Variants in GABBR2 observed in about 807,000 individuals in gnomAD.
GABBR2 encodes gamma-aminobutyric acid type B receptor subunit 2.
In GABBR2, 23 loss-of-function variants were observed where a neutral mutation model predicts 105.6. The observed-to-expected ratio is 0.22, with a 90% CI of 0.16 to 0.31. The LOEUF (loss-of-function observed/expected upper bound fraction) is 0.31, where lower values mean the gene tolerates loss of function less well. GABBR2 is among the 10% of genes least tolerant of loss of function. The pLI is 1.00. For synonymous variants in GABBR2, 478 were observed against 499.7 expected (o/e 0.96, Z 0.58); for missense variants, 734 against 1,245.5 (o/e 0.59, Z 6.18).
At chr9:98,362,337 A>G (rs761351310) in intron 13 of GABBR2, among the ~76,000 whole-genome samples, 1 of 152,260 alleles carries the variant, frequency 6.6e-6, no homozygotes, top group African/African-American at 2.4e-5. Context: ...ACAATATAGT[A>G]TCTAGAAGGA....
chr9:98,542,933 C>T (rs1421752749), intron 2 of GABBR2, among the ~76,000 whole-genome samples: 1 of 151,522 alleles, frequency 6.6e-6, no homozygotes, highest in African/African-American at 2.4e-5. Flanking sequence ...TATTCTAATG[C>T]TTTTCAGATT....
chr9:98,382,458 C>T (rs1281417060), intron 11 of GABBR2, among the ~76,000 whole-genome samples: 5 of 152,096 alleles, frequency 3.3e-5, no homozygotes, highest in South Asian at 2.1e-4. Context: ...GGACTACAGG[C>T]GCCCGCCACC....
chr9:98,652,678 C>G (rs185232462), intron 1 of GABBR2, among the ~76,000 whole-genome samples: 3 of 152,354 alleles, frequency 2.0e-5, no homozygotes, highest in African/African-American at 4.8e-5. Context: ...CCTTTCCCCC[C>G]AGTGGAGCGT....
chr9:98,382,956 T>G (rs1408673652), intron 11 of GABBR2, among the ~76,000 whole-genome samples: 2 of 151,606 alleles, frequency 1.3e-5, no homozygotes. Context: ...TTTCTTTTTT[T>G]TGAGATGGAG....
rs561766611 is a variant in GABBR2, at chr9:98,565,195, C to T, written c.459+12740G>A. Among the ~76,000 whole-genome samples the T allele has an allele frequency of 3.3e-5, 5 of 152,312 alleles. No individual in the cohort carries two copies. In the South Asian group the frequency reaches 1.0e-3, roughly 32 times the overall value. ...CTTCCTGCAGAAGGGGTGTCCTACA[C>T]CTGGAAAGCTCTGGCGGAGATCAAG... On this transcript the variant is annotated intron_variant, in intron 2 of 18. Transcript: ENST00000259455.
rs375960717 is a variant in GABBR2 at position 98,648,335 on chromosome 9, G to T, written c.321+60082C>A. 2.7e-4 allele frequency among the ~76,000 whole-genome samples: 41 copies of T among 152,022 alleles called. 2 individuals are homozygous for T. In the South Asian group the frequency reaches 8.3e-3, roughly 31 times the overall value. On this transcript the variant is annotated intron_variant, in intron 1 of 18. Coordinates refer to ENST00000259455, the MANE Select transcript of GABBR2 (RefSeq NM_005458.8). ...TTTAGTAGAGATGGGGTTTCACCAT[G>T]TTGGCCAGGCTGGTCTCGAACCCCT...
At chr9:98,661,161 G>A (rs914713195) in intron 1 of GABBR2, among the ~76,000 whole-genome samples, 6 of 152,092 alleles carry the variant, frequency 3.9e-5, no homozygotes, top group Middle Eastern at 3.2e-3. Flanking sequence ...ACTCACCTCC[G>A]CCTCCCATAG....
At chr9:98,451,297 T>C (rs1483434764) in intron 7 of GABBR2, among the ~76,000 whole-genome samples, 2 of 152,140 alleles carry the variant, frequency 1.3e-5, no homozygotes, top group Non-Finnish European at 1.5e-5. Context: ...CCAGGCTCCA[T>C]GTGAGATTTT....
intron 1 of GABBR2, among the ~76,000 whole-genome samples, chr9:98,598,471 C>T (rs115725888): frequency 3.3e-5 from 5 of 152,066 alleles, no homozygotes; most frequent in African/African-American, 4.8e-5. Flanking sequence ...AGGAGGCTGG[C>T]GGGTGCAGTC....
intron 1 of GABBR2, among the ~76,000 whole-genome samples, chr9:98,681,601 G>A (rs438886): frequency 0.83 from 125,486 of 151,630 alleles, 52,470 homozygotes; most frequent in Middle Eastern, 0.91. Flanking sequence ...AATTTAAAAA[G>A]ATATTTGTGA....
At chr9:98,591,980 C>T (rs1829152687) in intron 1 of GABBR2, among the ~76,000 whole-genome samples, 1 of 152,190 alleles carries the variant, frequency 6.6e-6, no homozygotes, top group South Asian at 2.1e-4. Flanking sequence ...ATGGGTCACC[C>T]CAGGAAAAGT....
At chr9:98,649,534 C>T (rs1267764670) in intron 1 of GABBR2, among the ~76,000 whole-genome samples, 1 of 152,164 alleles carries the variant, frequency 6.6e-6, no homozygotes, top group African/African-American at 2.4e-5. Flanking sequence ...TTTCCTTTTA[C>T]CCAAAATTGA....
At chr9:98,434,282 G>A (rs1361529448) in intron 7 of GABBR2, among the ~76,000 whole-genome samples, 1 of 152,088 alleles carries the variant, frequency 6.6e-6, no homozygotes, top group Non-Finnish European at 1.5e-5. Context: ...CTCACCTTTT[G>A]ATCATATGAG....
At chr9:98,533,904 G>A (rs1396000190) in intron 3 of GABBR2, among the ~76,000 whole-genome samples, 2 of 152,134 alleles carry the variant, frequency 1.3e-5, no homozygotes, top group African/African-American at 4.8e-5. Context: ...AAAGGGTCTC[G>A]AGCCATGCTA....
At chr9:98,661,354 T>C (rs2131853380) in intron 1 of GABBR2, among the ~76,000 whole-genome samples, 1 of 151,976 alleles carries the variant, frequency 6.6e-6, no homozygotes, top group Non-Finnish European at 1.5e-5. Flanking sequence ...TGCCTTGGAG[T>C]GTTCATCTCT....
intron 1 of GABBR2, among the ~76,000 whole-genome samples, chr9:98,630,838 A>G (rs1341430751): frequency 2.0e-5 from 3 of 152,182 alleles, no homozygotes; most frequent in East Asian, 3.8e-4. Context: ...GCACCGTCCA[A>G]CATTGGCAGC....
intron 5 of GABBR2, among the ~76,000 whole-genome samples, chr9:98,479,988 T>C (rs1433759806): frequency 2.0e-5 from 3 of 152,214 alleles, no homozygotes; most frequent in Non-Finnish European, 2.9e-5. Context: ...TTCCAACCTG[T>C]TAAAGTTCTT....
At chr9:98,601,131 G>A (rs1588246261) in intron 1 of GABBR2, among the ~76,000 whole-genome samples, 2 of 152,272 alleles carry the variant, frequency 1.3e-5, no homozygotes, top group East Asian at 3.9e-4. Flanking sequence ...TGCTCAGACT[G>A]TCATAAAACA....
chr9:98,404,300 A>C (rs1225656781), intron 8 of GABBR2, among the ~76,000 whole-genome samples: 1 of 152,178 alleles, frequency 6.6e-6, no homozygotes, highest in Non-Finnish European at 1.5e-5. Flanking sequence ...TTTGCCTAAA[A>C]TTACATCTTT....
Sources: allele counts gnomAD v4.1 joint callset (sites outside exome capture counted in the v4.1 genomes callset), GRCh38; gene constraint gnomAD v4.1.1; transcripts MANE v1.5; gene names NCBI Gene and HGNC (gene_info 2026-07-23, HGNC 2026-07-21).